The following PTBP3 variants were observed in gnomAD, a reference collection of about 807,000 sequenced individuals.
The protein encoded by PTBP3 is polypyrimidine tract binding protein 3, also known as polypyrimidine tract-binding protein 3.
In PTBP3, 20 loss-of-function variants were observed where a neutral mutation model predicts 58.7. That is an observed-to-expected ratio of 0.34 (90% CI 0.24 to 0.50). The LOEUF (loss-of-function observed/expected upper bound fraction) is 0.50, where lower values mean the gene tolerates loss of function less well. Among genes scored for constraint, PTBP3 ranks in the 20% least tolerant of loss-of-function variants. PTBP3 has a pLI of 0.98. For missense variants in PTBP3, 509 were observed against 637.2 expected, an observed-to-expected ratio of 0.80 and a Z score of 2.17; for synonymous variants, 185 against 219.8, an observed-to-expected ratio of 0.84 and a Z score of 1.40.
intron 7 of PTBP3, among the ~76,000 whole-genome samples, chr9:112,241,536 G>A (rs1835660712): frequency 6.6e-6 from 1 of 152,096 alleles, no homozygotes; most frequent in African/African-American, 2.4e-5. Context: ...CCCTTTCTAT[G>A]TTTAGATACA....
At chr9:112,332,155 CCTA>C (rs780827759) in intron 1 of PTBP3, among the ~76,000 whole-genome samples, 1 of 152,128 alleles carries the variant, frequency 6.6e-6, no homozygotes, top group Non-Finnish European at 1.5e-5. Context: ...AATATATACA[CCTA>C]CTGTGTACCC....
At chr9:112,288,492 T>A (rs1350082047) in intron 2 of PTBP3, among the ~76,000 whole-genome samples, 1 of 152,182 alleles carries the variant, frequency 6.6e-6, no homozygotes, top group Non-Finnish European at 1.5e-5. Flanking sequence ...ACTCAGCAAT[T>A]GTGCCATGTC....
At chr9:112,268,927 G>A (rs1351848244) in intron 3 of PTBP3, among the ~76,000 whole-genome samples, 2 of 152,084 alleles carry the variant, frequency 1.3e-5, no homozygotes, top group African/African-American at 4.8e-5. Context: ...TGGGCACAGT[G>A]GCTCAGGCCT....
intron 7 of PTBP3, among the ~76,000 whole-genome samples, chr9:112,235,937 G>C (rs1012969883): frequency 6.6e-6 from 1 of 152,066 alleles, no homozygotes; most frequent in African/African-American, 2.4e-5. Flanking sequence ...GGGGGATAGG[G>C]AGGACCTTCA....
chr9:112,334,795 A>G (rs1304188781), upstream of PTBP3, among the ~76,000 whole-genome samples: 3 of 152,226 alleles, frequency 2.0e-5, no homozygotes, highest in South Asian at 2.1e-4. Flanking sequence ...ATGAATACAC[A>G]AGAAAATCAG....
chr9:112,326,198 CAT>C (rs369739455), intron 1 of PTBP3, among the ~76,000 whole-genome samples: 98 of 152,292 alleles, frequency 6.4e-4, no homozygotes, highest in African/African-American at 2.2e-3. Context: ...ACCCTTAAGA[CAT>C]GTGCATTTCA....
intron 1 of PTBP3, among the ~76,000 whole-genome samples, chr9:112,332,069 A>C (rs1454371372): frequency 1.3e-5 from 2 of 152,026 alleles, no homozygotes; most frequent in Non-Finnish European, 2.9e-5. Flanking sequence ...GAATAAGGTA[A>C]TGTGAAATAA....
At chr9:112,349,863 CAAAAAAAAA>C in the PTBP3 span, among the ~76,000 whole-genome samples, 6 of 49,696 alleles carry the variant, frequency 1.2e-4, no homozygotes, top group East Asian at 7.6e-4. Flanking sequence ...GACTCTGTCT[CAAAAAAAAA>C]AAAAAAAAAA....
chr9:112,304,648 C>G (rs1587863465), intron 1 of PTBP3, among the ~76,000 whole-genome samples: 2 of 152,186 alleles, frequency 1.3e-5, no homozygotes, highest in African/African-American at 4.8e-5. Flanking sequence ...CTCACTGTAG[C>G]CTCAACCTTC....
chr9:112,221,764 T>C lies in PTBP3; in HGVS notation c.*2087A>G, dbSNP rs879662394. ...CCTTTCTATTCTACCAACTAAGTGT[T>C]GCTCAGTGGTGAGTGAATTCTGCTT... On this transcript the variant is annotated 3_prime_UTR_variant, in exon 14 of 14. Coordinates refer to ENST00000374257, the MANE Select transcript of PTBP3 (RefSeq NM_001163788.4). The C allele has an allele frequency of 4.1e-6, 4 of 985,156 alleles. No homozygotes were observed. The highest frequency in any genetic ancestry group is 5.2e-4 in the Middle Eastern group (1 of 1,936). The allele number at this position is 985,156 out of a possible 1,614,324, so 61.0% of individuals were successfully genotyped here.
chr9:112,368,107 A>G, the PTBP3 span, among the ~76,000 whole-genome samples: 1 of 151,684 alleles, frequency 6.6e-6, no homozygotes, highest in East Asian at 1.9e-4. Context: ...CAATCCTCCC[A>G]CCTCAGCCTC....
chr9:112,362,250 C>T, the PTBP3 span, among the ~76,000 whole-genome samples: 1 of 152,130 alleles, frequency 6.6e-6, no homozygotes, highest in Non-Finnish European at 1.5e-5. Flanking sequence ...GAGGTTGAGG[C>T]TGCAGTGAGC....
chr9:112,220,444 T>A lies in PTBP3; in HGVS notation c.*3407A>T. 8.6e-7 allele frequency: 1 copy of A among 1,156,448 alleles called. No individual in the cohort carries two copies. 71.6% of individuals were successfully genotyped at this position (1,156,448 alleles called of 1,614,324 possible). A position where few individuals can be genotyped will look rare whatever the true frequency, so the allele number is the denominator to read the frequency against. On this transcript the variant is annotated 3_prime_UTR_variant, in exon 14 of 14. Transcript: ENST00000374257. ...TTCATAGGAGCCACTTCTCATCAAC[T>A]AAAACAGAACCCATGATTATCATAC...
At chr9:112,301,993 C>T (rs1170848604) in intron 1 of PTBP3, among the ~76,000 whole-genome samples, 1 of 152,180 alleles carries the variant, frequency 6.6e-6, no homozygotes, top group Non-Finnish European at 1.5e-5. Context: ...TAACAGTCAT[C>T]ACTAACACCT....
At chr9:112,369,498 G>A in the PTBP3 span, among the ~76,000 whole-genome samples, 1 of 152,292 alleles carries the variant, frequency 6.6e-6, no homozygotes, top group South Asian at 2.1e-4. Context: ...GGACTTGCAT[G>A]GGGCCTTTAG....
At chr9:112,344,375 A>G in the PTBP3 span, among the ~76,000 whole-genome samples, 2 of 152,144 alleles carry the variant, frequency 1.3e-5, no homozygotes, top group African/African-American at 4.8e-5. Flanking sequence ...AATACTCAAG[A>G]ATCCATTAGT....
chr9:112,357,345 G>T, the PTBP3 span, among the ~76,000 whole-genome samples: 1 of 151,956 alleles, frequency 6.6e-6, no homozygotes, highest in Admixed American at 6.6e-5. Context: ...TGTTGTTGTT[G>T]TTGTTTTGTT....
chr9:112,357,071 G>A, the PTBP3 span, among the ~76,000 whole-genome samples: 2 of 151,422 alleles, frequency 1.3e-5, no homozygotes, highest in Non-Finnish European at 2.9e-5. Flanking sequence ...TAGTAGAGAC[G>A]GGGTTTCACC....
In PTBP3 at chr9:112,223,951, C is replaced by A; in HGVS notation, c.1475G>T (p.Gly492Val). 1 of 1,613,222 alleles carries A rather than the reference C, an allele frequency of 6.2e-7. No individual in the cohort carries two copies. The highest frequency in any genetic ancestry group is 1.1e-5 in the South Asian group (1 of 90,994). ...GGCCTGAATTGCTTCTTCCACAGAT[C>A]CCAATTGAATGAGCGCCATTTTGCG... ...KDRKMALIQL[G>V]SVEEAIQALI... The change falls in exon 14 of 14, where the codon GGA becomes GTA. Residue 492 changes from glycine to valine, a missense_variant. Gly to Val is a moderately radical substitution (Grantham distance 109). Transcript: ENST00000374257.
Sources: allele counts gnomAD v4.1 joint callset (sites outside exome capture counted in the v4.1 genomes callset), GRCh38; gene constraint gnomAD v4.1.1; transcripts MANE v1.5; gene names NCBI Gene and HGNC (gene_info 2026-07-23, HGNC 2026-07-21).